Variants in PLG observed in about 807,000 individuals in gnomAD.
The protein encoded by PLG is plasmin.
PLG carries 41 observed loss-of-function variants against 104.4 expected under a neutral mutation model. That is an observed-to-expected ratio of 0.39 (90% CI 0.31 to 0.51). PLG has a LOEUF of 0.51. PLG is among the 20% of genes least tolerant of loss of function. The probability of loss-of-function intolerance (pLI) is 0.76; values close to 1 mark genes in which losing one functional copy is unlikely to be tolerated. For synonymous variants in PLG, 337 were observed against 357.1 expected (o/e 0.94, Z 0.63); for missense variants, 891 against 1,003.6 (o/e 0.89, Z 1.52).
chr6:160,741,705 A>T lies in PLG; in HGVS notation c.2125+288A>T, dbSNP rs1778199469. Among the ~76,000 whole-genome samples, 1 of 152,144 alleles carries T rather than the reference A, an allele frequency of 6.6e-6. No individual in the cohort carries two copies. Among genetic ancestry groups the T allele is most frequent in the South Asian group, 2.1e-4 (1 of 4,830 alleles). ...ATTTTAGGTTCAGGGGTACATGTGC[A>T]AGTTTCTTGTATATGTAAACAGTGG... is the stretch of plus-strand genomic sequence containing the variant. On this transcript the variant is annotated intron_variant, in intron 17 of 18. Coordinates refer to ENST00000308192, the MANE Select transcript of PLG (RefSeq NM_000301.5). This position sits in a 1 kb window ranked among gnomAD's most constrained non-coding sequence, Gnocchi z 4.7.
Position 160,738,691 on chromosome 6 carries a change from C to T in PLG, c.1877+79C>T. 1.0e-6 allele frequency: 1 copy of T among 960,668 alleles called. No individual in the cohort carries two copies. The highest frequency in any genetic ancestry group is 2.4e-5 in the East Asian group (1 of 41,786). 59.5% of individuals were successfully genotyped at this position (960,668 alleles called of 1,614,324 possible). ...CTTCTTTTCCTCCTTTCCTCCTTTC[C>T]TTTCTCACTCTTCCTCCCTTCCTTC... On this transcript the variant is annotated intron_variant, in intron 15 of 18. Coordinates refer to ENST00000308192, the MANE Select transcript of PLG (RefSeq NM_000301.5). This position sits in a 1 kb window ranked among gnomAD's most constrained non-coding sequence, Gnocchi z 6.8.
rs1232185198 is a variant in PLG at position 160,754,016 on chromosome 6, A to G, written c.*955A>G. Among the ~76,000 whole-genome samples the G allele has an allele frequency of 6.6e-6, 1 of 152,256 alleles. No individual in the cohort carries two copies. Among genetic ancestry groups the G allele is most frequent in the Non-Finnish European group, 1.5e-5 (1 of 68,044 alleles). Reference sequence around the variant, plus strand: ...GCAGAGAAAAGCAAAACTGCAAGTGACTGTGAATAAAGGGTGAATGTAGTC... The same window carrying G: ...GCAGAGAAAAGCAAAACTGCAAGTGGCTGTGAATAAAGGGTGAATGTAGTC... On this transcript the variant is annotated 3_prime_UTR_variant, in exon 19 of 19. Coordinates refer to ENST00000308192, the MANE Select transcript of PLG (RefSeq NM_000301.5). The surrounding 1 kb of genome is among the most constrained non-coding windows in gnomAD (Gnocchi z 4.9).
intron 1 of PLG, among the ~76,000 whole-genome samples, chr6:160,704,856 AG>A: frequency 6.6e-6 from 1 of 152,292 alleles, no homozygotes; most frequent in East Asian, 1.9e-4. Flanking sequence ...TACCCTCAGG[AG>A]GTCAGGACAG....
chr6:160,720,417 T>C (rs1777811044), intron 9 of PLG, among the ~76,000 whole-genome samples: 4 of 44,496 alleles, frequency 9.0e-5, no homozygotes, highest in South Asian at 9.2e-4. Context: ...TTTCTTTTTT[T>C]TTTTTTTTTT....
At chr6:160,703,925 T>A (rs556940159) in intron 1 of PLG, among the ~76,000 whole-genome samples, 1 of 152,226 alleles carries the variant, frequency 6.6e-6, no homozygotes, top group Non-Finnish European at 1.5e-5. Flanking sequence ...TGTGCTGCAA[T>A]GCCCGGGGAG....
rs783143 is a variant in PLG at position 160,707,855 on chromosome 6, A to C, written c.292+49A>C. The C allele has an allele frequency of 1.5e-5, 18 of 1,229,596 alleles. No individual in the cohort carries two copies. In the Admixed American group the frequency reaches 2.0e-4, roughly 14 times the overall value. The allele number at this position is 1,229,596 out of a possible 1,614,324, so 76.2% of individuals were successfully genotyped here. On this transcript the variant is annotated intron_variant, in intron 3 of 18. Coordinates refer to ENST00000308192, the MANE Select transcript of PLG (RefSeq NM_000301.5). Reference sequence around the variant, plus strand: ...CTCCTACTGTCCTCCCCATCCTCCCACTCTTCCTCTTTCTCTATTCTATCT... The same window carrying C: ...CTCCTACTGTCCTCCCCATCCTCCCCCTCTTCCTCTTTCTCTATTCTATCT...
intron 3 of PLG, among the ~76,000 whole-genome samples, chr6:160,710,623 GAT>G (rs1268693506): frequency 2.6e-5 from 4 of 152,214 alleles, no homozygotes; most frequent in Non-Finnish European, 5.9e-5. Context: ...AAGTGGGTTG[GAT>G]CTCTTTCAGC....
intron 10 of PLG, among the ~76,000 whole-genome samples, chr6:160,728,555 G>T (rs1582942813): frequency 6.6e-6 from 1 of 152,020 alleles, no homozygotes; most frequent in Non-Finnish European, 1.5e-5. Context: ...GGAAAAAAAA[G>T]TATACAGATA....
At position 160,736,690 on chromosome 6, in the gene PLG, T is replaced by G. The variant is rs1044029813; in HGVS notation, c.1682-197T>G. Among the ~76,000 whole-genome samples, 1 of 152,192 alleles carries G rather than the reference T, an allele frequency of 6.6e-6. No homozygotes were observed. The highest frequency in any genetic ancestry group is 1.5e-5 in the Non-Finnish European group (1 of 68,032). ...CAAAATAATTACAAAGTGCTTATAT[T>G]TTCTTGAAAAGAGAGGGTCCTGTGT... On this transcript the variant is annotated intron_variant, in intron 13 of 18. Transcript: ENST00000308192. This position sits in a 1 kb window ranked among gnomAD's most constrained non-coding sequence, Gnocchi z 5.2.
rs1258412620 is a variant in PLG, at chr6:160,723,565, A to G, written c.1256+998A>G. ...GAAGGAGACTGGAGTTGGGATTACTAAAACAGCTGAGATTTTCTAGGCTAG... is the reference window on the plus strand; with the variant it reads ...GAAGGAGACTGGAGTTGGGATTACTGAAACAGCTGAGATTTTCTAGGCTAG... On this transcript the variant is annotated intron_variant, in intron 10 of 18. Transcript: ENST00000308192. The surrounding 1 kb of genome is among the most constrained non-coding windows in gnomAD (Gnocchi z 4.7). Among the ~76,000 whole-genome samples, 1 of 152,170 alleles carries G rather than the reference A, an allele frequency of 6.6e-6. No homozygotes were observed. The highest frequency in any genetic ancestry group is 1.5e-5 in the Non-Finnish European group (1 of 68,036).
rs1475564906 is a variant in PLG at position 160,735,164 on chromosome 6, A to C, written c.1681+1076A>C. Reference sequence around the variant, plus strand: ...GTTGATAGCTGACTTTTTCTGCAGAAGCATCTTGGTGGCACCTCTAACTCA... The same window carrying C: ...GTTGATAGCTGACTTTTTCTGCAGACGCATCTTGGTGGCACCTCTAACTCA... On this transcript the variant is annotated intron_variant, in intron 13 of 18. Transcript: ENST00000308192. The surrounding 1 kb of genome is among the most constrained non-coding windows in gnomAD (Gnocchi z 5.4). 3.3e-5 allele frequency among the ~76,000 whole-genome samples: 5 copies of C among 152,160 alleles called. No homozygotes were observed. Among genetic ancestry groups the C allele is most frequent in the Non-Finnish European group, 7.3e-5 (5 of 68,030 alleles).
intron 6 of PLG, among the ~76,000 whole-genome samples, chr6:160,716,292 A>C (rs980427598): frequency 6.6e-6 from 1 of 152,166 alleles, no homozygotes; most frequent in Non-Finnish European, 1.5e-5. Flanking sequence ...ACACATGTAA[A>C]CTGTTAGAAA....
rs921482295 is a variant in PLG, at chr6:160,741,357, C to A, written c.2065C>A (p.Pro689Thr). The change falls in exon 17 of 19, where the codon CCA (proline) becomes ACA (threonine). Residue 689 changes from proline (P) to threonine (T), a missense_variant. Coordinates refer to ENST00000308192, the MANE Select transcript of PLG (RefSeq NM_000301.5). The surrounding 1 kb of genome is among the most constrained non-coding windows in gnomAD (Gnocchi z 4.7). The part of the protein sequence containing the change: ...DKVIPACLPS[P>T]NYVVADRTEC... ...AGTAATCCCAGCTTGTCTGCCATCC[C>A]CAAATTATGTGGTCGCTGACCGGAC... 12 of 1,613,562 alleles carry A rather than the reference C, an allele frequency of 7.4e-6. No homozygotes were observed. The highest frequency in any genetic ancestry group is 1.0e-5 in the Non-Finnish European group (12 of 1,179,434).
chr6:160,713,799 G>A (rs926139661), intron 5 of PLG, among the ~76,000 whole-genome samples: 8 of 152,162 alleles, frequency 5.3e-5, no homozygotes, highest in Non-Finnish European at 1.2e-4. Flanking sequence ...CAAGGAACCA[G>A]TTTTTAAATC....
At chr6:160,733,920 A>G (rs1386373063) in intron 12 of PLG, 75 bp from the exon 13 acceptor site, 4 of 781,334 alleles carry the variant, frequency 5.1e-6, no homozygotes, top group Admixed American at 1.7e-5. Context: ...TAGACATGAA[A>G]TGCGTGAGCC....
intron 7 of PLG, among the ~76,000 whole-genome samples, chr6:160,717,235 G>T (rs576708120): frequency 6.6e-6 from 1 of 152,128 alleles, no homozygotes; most frequent in Non-Finnish European, 1.5e-5. Flanking sequence ...GAGTTCAAGA[G>T]GAGAAGATGA....
At chr6:160,722,695 A>C (rs1261447908) in intron 10 of PLG, 128 bp downstream of exon 10, 8 of 816,466 alleles carry the variant, frequency 9.8e-6, no homozygotes, top group Non-Finnish European at 1.6e-5. Context: ...TGTGTAGAAA[A>C]ATGTCTCAAG....
chr6:160,706,142 G>C, intron 1 of PLG: 1 of 506,160 alleles, frequency 2.0e-6, no homozygotes, highest in Non-Finnish European at 3.7e-6. Flanking sequence ...CTACTAAATA[G>C]GTAGTTTTTC....
In PLG at chr6:160,719,464, TTTTAAA is replaced by T. The variant is rs1185607172; in HGVS notation, c.1096+631_1096+636del. On this transcript the variant is annotated intron_variant, in intron 9 of 18. Transcript: ENST00000308192. This position sits in a 1 kb window ranked among gnomAD's most constrained non-coding sequence, Gnocchi z 4.1. Reference sequence around the variant, plus strand: ...ATCTTTTAAATTTGTATGATATATCTTTTAAATTTATCTGAGCTTTTAAATTGAGAT... The same window carrying T: ...ATCTTTTAAATTTGTATGATATATCTTTTATCTGAGCTTTTAAATTGAGAT... 6.6e-6 allele frequency among the ~76,000 whole-genome samples: 1 copy of T among 152,218 alleles called. No individual in the cohort carries two copies. Among genetic ancestry groups the T allele is most frequent in the East Asian group, 1.9e-4 (1 of 5,200 alleles).
Sources: gnomAD v4.1 joint callset for allele counts (sites outside exome capture counted in the v4.1 genomes callset) on GRCh38, gnomAD v4.1.1 for gene constraint, Gnocchi (gnomAD v3.1) non-coding constraint, MANE v1.5 for transcripts, NCBI Gene and HGNC (gene_info 2026-07-23, HGNC 2026-07-21) for gene names.